Variants in DIP2B observed in about 807,000 individuals in gnomAD.
The protein encoded by DIP2B is DIP2 acetate--CoA ligase B (putative), also known as disco-interacting protein 2 homolog B.
DIP2B carries 76 observed loss-of-function variants against 198.0 expected under a neutral mutation model. That is an observed-to-expected ratio of 0.38 (90% CI 0.32 to 0.46). DIP2B has a LOEUF of 0.46. DIP2B is among the 20% of genes least tolerant of loss of function. The probability of loss-of-function intolerance (pLI) is 0.99; values close to 1 mark genes in which losing one functional copy is unlikely to be tolerated. For synonymous variants in DIP2B, 701 were observed against 739.1 expected (o/e 0.95, Z 0.84); for missense variants, 1,559 against 1,978.4 (o/e 0.79, Z 4.02).
rs1939785071 is a variant in DIP2B at position 50,718,991 on chromosome 12, C to T, written c.2998C>T (p.Gln1000Ter). The change falls in exon 25 of 38, where the codon CAG (glutamine) becomes TAG (stop). Residue 1000 changes from glutamine (Q) to a stop codon, truncating the protein, a stop_gained. Transcript: ENST00000301180. LOFTEE classifies it high-confidence loss of function. ...FLAEILQWRA[Q>*]ATPDHVLFML... The stretch of plus-strand genomic sequence containing the variant: ...GGCAGAGATCCTACAGTGGCGAGCC[C>T]AGGCGACTCCTGACCATGTACTCTT... 3 of 1,614,088 alleles carry T rather than the reference C, an allele frequency of 1.9e-6. No homozygotes were observed. Among genetic ancestry groups the T allele is most frequent in the African/African-American group, 1.3e-5 (1 of 74,930 alleles).
rs181884692 is a variant in DIP2B at position 50,708,009 on chromosome 12, C to T, written c.2535-439C>T. Among the ~76,000 whole-genome samples the T allele has an allele frequency of 2.4e-3, 373 of 152,248 alleles. 10 individuals are homozygous for T. The highest frequency in any genetic ancestry group is 0.023 in the Admixed American group (352 of 15,292). On this transcript the variant is annotated intron_variant, in intron 21 of 37. Transcript: ENST00000301180. ...GTTCCTTCTGCCCGGAAACCTCTTC[C>T]TCCAGATCTTCGCGTGGCTCGCGTC...
At chr12:50,733,424 A>G (rs1341909126) in intron 32 of DIP2B, among the ~76,000 whole-genome samples, 2 of 152,104 alleles carry the variant, frequency 1.3e-5, no homozygotes, top group Non-Finnish European at 2.9e-5. Context: ...GTGGTGGTTC[A>G]TGGCTATAAT....
chr12:50,700,304 T>A (rs1428935666), intron 19 of DIP2B, among the ~76,000 whole-genome samples: 2 of 152,228 alleles, frequency 1.3e-5, no homozygotes, highest in Admixed American at 6.5e-5. Flanking sequence ...GGCGGTTAAT[T>A]GTCTACATTT....
intron 1 of DIP2B, among the ~76,000 whole-genome samples, chr12:50,567,925 G>T (rs559468615): frequency 1.3e-5 from 2 of 152,284 alleles, no homozygotes; most frequent in African/African-American, 4.8e-5. Flanking sequence ...TTGGTCCTTT[G>T]TATGTTGAGT....
intron 1 of DIP2B, among the ~76,000 whole-genome samples, chr12:50,622,192 A>G (rs1355006500): frequency 1.3e-5 from 2 of 152,178 alleles, no homozygotes; most frequent in African/African-American, 4.8e-5. Flanking sequence ...AATAAAAGAC[A>G]TGGTTTCCTG....
chr12:50,619,296 A>C (rs1171671184), intron 1 of DIP2B, among the ~76,000 whole-genome samples: 1 of 152,226 alleles, frequency 6.6e-6, no homozygotes, highest in African/African-American at 2.4e-5. Context: ...GTTACTTAGC[A>C]TTGCCACATT....
intron 1 of DIP2B, among the ~76,000 whole-genome samples, chr12:50,615,194 A>G (rs908209689): frequency 1.4e-4 from 21 of 152,196 alleles, no homozygotes; most frequent in African/African-American, 5.1e-4. Flanking sequence ...TCAGAGAAAA[A>G]TTACCAAGAT....
rs138011097 is a variant in DIP2B at position 50,664,215 on chromosome 12, T to C, written c.427+3896T>C. ...AAAAAGGATTAAGGAGTAAAATATG[T>C]CAGATATTTTGGCTTTATTTATAGT... On this transcript the variant is annotated intron_variant, in intron 4 of 37. Transcript: ENST00000301180. 4.6e-5 allele frequency among the ~76,000 whole-genome samples: 7 copies of C among 152,298 alleles called. No homozygotes were observed. The East Asian group carries it at 1.4e-3, about 29-fold the overall frequency.
At chr12:50,590,237 G>A (rs1453418613) in intron 1 of DIP2B, among the ~76,000 whole-genome samples, 4 of 151,792 alleles carry the variant, frequency 2.6e-5, no homozygotes, top group South Asian at 2.1e-4. Context: ...GGGCTCAGGC[G>A]AGCCTTCTGC....
In DIP2B at chr12:50,513,703, G is replaced by A. The variant is rs966984307; in HGVS notation, c.100+8463G>A. On this transcript the variant is annotated intron_variant, in intron 1 of 37. Coordinates refer to ENST00000301180, the MANE Select transcript of DIP2B (RefSeq NM_173602.3). Reference sequence around the variant, plus strand: ...AGCCTGGCTAACATGGTGAAACCCCGTCTCTACTAAAAATACACAAACTAG... The same window carrying A: ...AGCCTGGCTAACATGGTGAAACCCCATCTCTACTAAAAATACACAAACTAG... 2.6e-5 allele frequency among the ~76,000 whole-genome samples: 4 copies of A among 151,968 alleles called. No individual in the cohort carries two copies. In the East Asian group the frequency reaches 7.7e-4, roughly 29 times the overall value.
intron 35 of DIP2B, among the ~76,000 whole-genome samples, chr12:50,739,169 T>A (rs1232291532): frequency 1.3e-5 from 2 of 152,250 alleles, no homozygotes; most frequent in Non-Finnish European, 2.9e-5. Flanking sequence ...TAACTCCTTG[T>A]TTTTTCATCC....
At chr12:50,551,879 A>G (rs1467526904) in intron 1 of DIP2B, among the ~76,000 whole-genome samples, 2 of 152,250 alleles carry the variant, frequency 1.3e-5, no homozygotes, top group Non-Finnish European at 2.9e-5. Flanking sequence ...AAATGTGGGT[A>G]TGCAGATATT....
At chr12:50,556,752 C>T (rs574929448) in intron 1 of DIP2B, among the ~76,000 whole-genome samples, 6 of 152,082 alleles carry the variant, frequency 3.9e-5, no homozygotes, top group African/African-American at 1.2e-4. Flanking sequence ...TCTTGTTGTC[C>T]ATGCTGGAGT....
chr12:50,644,423 C>T (rs1222808611), intron 3 of DIP2B, among the ~76,000 whole-genome samples: 3 of 152,152 alleles, frequency 2.0e-5, no homozygotes, highest in Non-Finnish European at 4.4e-5. Context: ...AGGGAGTATT[C>T]GTATTACCTT....
intron 1 of DIP2B, among the ~76,000 whole-genome samples, chr12:50,582,036 A>G (rs1231017868): frequency 1.3e-5 from 2 of 151,788 alleles, no homozygotes; most frequent in African/African-American, 2.4e-5. Context: ...CCTCCTGCAG[A>G]GAGGACACAG....
intron 2 of DIP2B, among the ~76,000 whole-genome samples, chr12:50,634,741 C>A (rs765298904): frequency 1.3e-5 from 2 of 152,254 alleles, no homozygotes; most frequent in Non-Finnish European, 2.9e-5. Flanking sequence ...ACTGGAGGAA[C>A]ATTATTTTTT....
intron 1 of DIP2B, among the ~76,000 whole-genome samples, chr12:50,572,249 A>T (rs1433073635): frequency 6.6e-6 from 1 of 152,208 alleles, no homozygotes; most frequent in Admixed American, 6.5e-5. Flanking sequence ...TTATCCCCAG[A>T]CTAAGACCAC....
chr12:50,600,757 A>C (rs535947153), intron 1 of DIP2B, among the ~76,000 whole-genome samples: 2 of 152,280 alleles, frequency 1.3e-5, no homozygotes, highest in East Asian at 3.9e-4. Context: ...AAAGCCTAGA[A>C]CATGTTTATG....
intron 1 of DIP2B, among the ~76,000 whole-genome samples, chr12:50,575,137 C>T (rs186925911): frequency 1.3e-5 from 2 of 152,212 alleles, no homozygotes; most frequent in African/African-American, 4.8e-5. Context: ...AGTTTTAACT[C>T]TTTCATATCT....
Sources: allele counts gnomAD v4.1 joint callset (sites outside exome capture counted in the v4.1 genomes callset), GRCh38; gene constraint gnomAD v4.1.1; transcripts MANE v1.5; gene names NCBI Gene and HGNC (gene_info 2026-07-23, HGNC 2026-07-21).